The following ABCF1 variants were observed in gnomAD, a reference collection of about 807,000 sequenced individuals.
The protein encoded by ABCF1 is ATP-binding cassette sub-family F member 1.
Under a neutral mutation model 126.3 loss-of-function variants are expected in ABCF1, and 73 were observed. The observed-to-expected ratio is 0.58, with a 90% CI of 0.48 to 0.70. ABCF1 has a LOEUF of 0.70. Ranked by LOEUF, ABCF1 falls within the 30% of genes least tolerant of loss-of-function variation. The pLI, the probability that ABCF1 is intolerant of heterozygous loss-of-function variation, is 0.00. For synonymous variants in ABCF1, 345 were observed against 396.4 expected, an observed-to-expected ratio of 0.87 and a Z score of 1.54; for missense variants, 786 against 1,057.5, an observed-to-expected ratio of 0.74 and a Z score of 3.56.
chr6:30,589,758 T>C, intron 21 of ABCF1, 38 bp downstream of exon 21: 1 of 1,614,094 alleles, frequency 6.2e-7, no homozygotes, highest in Non-Finnish European at 8.5e-7. Flanking sequence ...GATAATCTGA[T>C]GGAGGAAGTG....
In ABCF1 at chr6:30,580,139, G is replaced by A; in HGVS notation, c.564+134G>A. 6.0e-6 allele frequency: 5 copies of A among 830,166 alleles called. No individual in the cohort carries two copies. In the South Asian group the frequency reaches 8.6e-5, roughly 14 times the overall value. 51.4% of individuals were successfully genotyped at this position (830,166 alleles called of 1,614,324 possible). The stretch of plus-strand genomic sequence containing the variant: ...AGGTGGGCGGATCACGAGGTCAGGA[G>A]ATCGAGACCATCCTGGTAACACGGT... On this transcript the variant is annotated intron_variant, in intron 7 of 24. Coordinates refer to ENST00000326195, the MANE Select transcript of ABCF1 (RefSeq NM_001025091.2).
intron 24 of ABCF1, 78 bp from the exon 25 acceptor site, chr6:30,590,457 G>T: frequency 6.3e-7 from 1 of 1,576,234 alleles, no homozygotes; most frequent in Admixed American, 1.8e-5. Context: ...GAAGGGCCTA[G>T]GACTCCCTTA....
chr6:30,589,069 G>A (rs567859377), intron 20 of ABCF1, among the ~76,000 whole-genome samples: 1 of 152,196 alleles, frequency 6.6e-6, no homozygotes, highest in South Asian at 2.1e-4. Flanking sequence ...GCAGTGGTGC[G>A]ATCTCAGCAA....
At position 30,583,899 on chromosome 6, in the gene ABCF1, A is replaced by C. The variant is rs1311531314; in HGVS notation, c.1102+9A>C. On this transcript the variant is annotated intron_variant, in intron 12 of 24. Coordinates refer to ENST00000326195, the MANE Select transcript of ABCF1 (RefSeq NM_001025091.2). The surrounding 1 kb of genome is among the most constrained non-coding windows in gnomAD (Gnocchi z 4.1). Reference sequence around the variant, plus strand: ...GTTGCTGTGTGAGCAGGGTGAGACCACTGGGGAGAAAAGGGGCTTGGTGGG... The same window carrying C: ...GTTGCTGTGTGAGCAGGGTGAGACCCCTGGGGAGAAAAGGGGCTTGGTGGG... The C allele has an allele frequency of 6.2e-7, 1 of 1,612,968 alleles. No individual in the cohort carries two copies. Among genetic ancestry groups the C allele is most frequent in the Non-Finnish European group, 8.5e-7 (1 of 1,179,380 alleles).
chr6:30,579,354 G>A (rs558214252), intron 6 of ABCF1, among the ~76,000 whole-genome samples: 2 of 151,582 alleles, frequency 1.3e-5, no homozygotes, highest in East Asian at 1.9e-4. Flanking sequence ...TTCGGTGTAC[G>A]ATTTTTCTAC....
In ABCF1 at chr6:30,590,461, T is replaced by C. The variant is rs755787030; in HGVS notation, c.2372-74T>C. On this transcript the variant is annotated intron_variant, in intron 24 of 24. Transcript: ENST00000326195. Reference sequence around the variant, plus strand: ...CCTTCACTACAGAAGGGCCTAGGACTCCCTTATTTCATGTTCTGATTCCCC... The same window carrying C: ...CCTTCACTACAGAAGGGCCTAGGACCCCCTTATTTCATGTTCTGATTCCCC... 8.9e-6 allele frequency: 14 copies of C among 1,574,810 alleles called. No individual in the cohort carries two copies. The Admixed American group carries it at 1.9e-4, about 22-fold the overall frequency.
rs756260282 is a variant in ABCF1, at chr6:30,589,961, C to G, written c.2220C>G (p.Ile740Met). Residue 740 changes from isoleucine to methionine, a missense_variant, in exon 22 of 25, where the codon ATC becomes ATG. Coordinates refer to ENST00000326195, the MANE Select transcript of ABCF1 (RefSeq NM_001025091.2). ...AGAGTCACGCCCACACCATCCAGAT[C>G]TGCAAACTCTCTGGTACCACTTCAG... ...GLESHAHTIQ[I>M]CKLSGGQKAR... The G allele has an allele frequency of 2.5e-6, 4 of 1,613,476 alleles. No individual in the cohort carries two copies. The highest frequency in any genetic ancestry group is 2.7e-5 in the African/African-American group (2 of 75,058).
chr6:30,574,317 C>T lies in ABCF1; in HGVS notation c.73+2757C>T, dbSNP rs1801391935. On this transcript the variant is annotated intron_variant, in intron 1 of 24. Transcript: ENST00000326195. The surrounding 1 kb of genome is among the most constrained non-coding windows in gnomAD (Gnocchi z 4.3). ...TTTGTTTGTTTTTGTTTTTTGTTTT[C>T]TGTAGAGATGAGGTCTTGCTATGTT... Among the ~76,000 whole-genome samples, 1 of 152,022 alleles carries T rather than the reference C, an allele frequency of 6.6e-6. No individual in the cohort carries two copies. The highest frequency in any genetic ancestry group is 2.4e-5 in the African/African-American group (1 of 41,382).
At chr6:30,577,488 CTA>C (rs748120514) in intron 2 of ABCF1, 33 bp downstream of exon 2, 26 of 1,607,622 alleles carry the variant, frequency 1.6e-5, no homozygotes, top group Non-Finnish European at 2.0e-5. Flanking sequence ...TAAGAAATGA[CTA>C]TGGATGTTTC....
chr6:30,583,911 A>G lies in ABCF1; in HGVS notation c.1102+21A>G. ...GCAGGGTGAGACCACTGGGGAGAAA[A>G]GGGGCTTGGTGGGGTGGGCAGTTGG... is the stretch of plus-strand genomic sequence containing the variant. On this transcript the variant is annotated intron_variant, in intron 12 of 24. Transcript: ENST00000326195. This position sits in a 1 kb window ranked among gnomAD's most constrained non-coding sequence, Gnocchi z 4.1. 6.2e-7 allele frequency: 1 copy of G among 1,611,652 alleles called. No individual in the cohort carries two copies. Among genetic ancestry groups the G allele is most frequent in the Non-Finnish European group, 8.5e-7 (1 of 1,178,492 alleles).
At chr6:30,580,865 G>C (rs1017508818) in intron 8 of ABCF1, among the ~76,000 whole-genome samples, 1 of 151,826 alleles carries the variant, frequency 6.6e-6, no homozygotes, top group Non-Finnish European at 1.5e-5. Context: ...GTATAGAGAT[G>C]AGGTCTCACT....
At chr6:30,590,246 G>C (rs2127419653) in intron 23 of ABCF1, 33 bp downstream of exon 23, 1 of 1,613,002 alleles carries the variant, frequency 6.2e-7, no homozygotes, top group East Asian at 2.2e-5. Context: ...AAAGGGATAA[G>C]GGTAACAGTA....
In ABCF1 at chr6:30,586,028, G is replaced by A. The variant is rs1018195926; in HGVS notation, c.1713+37G>A. On this transcript the variant is annotated intron_variant, in intron 17 of 24. Coordinates refer to ENST00000326195, the MANE Select transcript of ABCF1 (RefSeq NM_001025091.2). This position sits in a 1 kb window ranked among gnomAD's most constrained non-coding sequence, Gnocchi z 4.9. ...AGGGACTTCTGGGCTGGGGGCCACTGTTCTCTCCTGGCAGTGGAGGAAGAA... is the reference window on the plus strand; with the variant it reads ...AGGGACTTCTGGGCTGGGGGCCACTATTCTCTCCTGGCAGTGGAGGAAGAA... The A allele has an allele frequency of 1.3e-6, 2 of 1,595,240 alleles. No individual in the cohort carries two copies. The highest frequency in any genetic ancestry group is 1.7e-6 in the Non-Finnish European group (2 of 1,170,450).
chr6:30,576,559 G>C (rs1266539970), intron 1 of ABCF1, among the ~76,000 whole-genome samples: 1 of 151,840 alleles, frequency 6.6e-6, no homozygotes, highest in East Asian at 1.9e-4. Flanking sequence ...AAAGTGCCGG[G>C]ATTACAGGCA....
Position 30,583,084 on chromosome 6 carries a change from G to A in ABCF1, c.811G>A (p.Val271Met). The A allele has an allele frequency of 6.2e-7, 1 of 1,610,216 alleles. No individual in the cohort carries two copies. The highest frequency in any genetic ancestry group is 8.5e-7 in the Non-Finnish European group (1 of 1,177,546). Reference sequence around the variant, plus strand: ...TTCTCAGATGGAGTATGAGCGCCAAGTGGCTTCATTAAAAGCAGCCAATGC... The same window carrying A: ...TTCTCAGATGGAGTATGAGCGCCAAATGGCTTCATTAAAAGCAGCCAATGC... ...LKKQMEYERQVASLKAANAAE... is the reference protein window; with the variant it reads ...LKKQMEYERQMASLKAANAAE... Residue 271 changes from valine to methionine, a missense_variant, in exon 10 of 25, where the codon GTG becomes ATG. This residue lies in a region of ABCF1 where 322 missense variants were observed against 322.9 expected (regional missense o/e 1.00). Coordinates refer to ENST00000326195, the MANE Select transcript of ABCF1 (RefSeq NM_001025091.2). This position sits in a 1 kb window ranked among gnomAD's most constrained non-coding sequence, Gnocchi z 4.1.
Position 30,590,389 on chromosome 6 carries a change from TGA to T in ABCF1, c.2371+15_2371+16del. The T allele has an allele frequency of 6.2e-7, 1 of 1,603,008 alleles. No individual in the cohort carries two copies. Among genetic ancestry groups the T allele is most frequent in the Non-Finnish European group, 8.5e-7 (1 of 1,174,374 alleles). ...ATGAATACAAGGGTGGTAAGTCAGC[TGA>T]GAGTGTGCCCTCATCCCTGCTCCAT... On this transcript the variant is annotated intron_variant, in intron 24 of 24. Coordinates refer to ENST00000326195, the MANE Select transcript of ABCF1 (RefSeq NM_001025091.2).
intron 8 of ABCF1, 89 bp downstream of exon 8, chr6:30,580,608 T>C (rs1239239525): frequency 6.5e-6 from 5 of 765,616 alleles, no homozygotes; most frequent in Non-Finnish European, 7.8e-6. Context: ...GATATAGTTA[T>C]TATCCCAGCA....
Position 30,582,499 on chromosome 6 carries a change from A to T in ABCF1, c.784A>T (p.Lys262Ter). ...HLSKKEKKKLKKQMEYERQVA... is the reference protein window; with the variant it reads ...HLSKKEKKKL The stretch of plus-strand genomic sequence containing the variant: ...TAGCAAAAAGGAGAAGAAAAAGCTG[A>T]AAAAACAGGTAAGACCTTGGTTCTT... Residue 262 changes from lysine (K) to a stop codon, truncating the protein, a stop_gained, in exon 9 of 25, where the codon AAA becomes TAA. Transcript: ENST00000326195. LOFTEE classifies it high-confidence loss of function. 1 of 1,612,990 alleles carries T rather than the reference A, an allele frequency of 6.2e-7. No homozygotes were observed. The highest frequency in any genetic ancestry group is 8.5e-7 in the Non-Finnish European group (1 of 1,180,006).
At chr6:30,590,469 T>G (rs931127844) in intron 24 of ABCF1, 66 bp from the exon 25 acceptor site, 12 of 1,579,304 alleles carry the variant, frequency 7.6e-6, no homozygotes, top group African/African-American at 1.3e-5. Context: ...ACTCCCTTAT[T>G]TCATGTTCTG....
Sources: gnomAD v4.1 joint callset for allele counts (sites outside exome capture counted in the v4.1 genomes callset) on GRCh38, gnomAD v4.1.1 for gene constraint, gnomAD v4.1.1 regional missense constraint, Gnocchi (gnomAD v3.1) non-coding constraint, MANE v1.5 for transcripts, NCBI Gene and HGNC (gene_info 2026-07-23, HGNC 2026-07-21) for gene names.